DYNLRB1: variants seen among roughly 807,000 people sequenced by gnomAD.
The protein encoded by DYNLRB1 is dynein light chain roadblock-type 1, also known as ROBL/LC7-like 1.
In DYNLRB1, 6 loss-of-function variants were observed where a neutral mutation model predicts 13.5. That is an observed-to-expected ratio of 0.44 (90% confidence interval 0.24 to 0.88). The LOEUF is 0.88. Among genes scored for constraint, DYNLRB1 ranks in the 40% least tolerant of loss-of-function variants. The pLI is 0.21. For synonymous variants in DYNLRB1, 43 were observed against 45.0 expected, an observed-to-expected ratio of 0.96 and a Z score of 0.18; for missense variants, 93 against 127.2, an observed-to-expected ratio of 0.73 and a Z score of 1.29.
intron 1 of DYNLRB1, among the ~76,000 whole-genome samples, chr20:34,523,597 T>C (rs922371670): frequency 6.6e-6 from 1 of 152,222 alleles, no homozygotes; most frequent in Non-Finnish European, 1.5e-5. Context: ...GCTAACTCCC[T>C]CATTTCCTTC....
intron 3 of DYNLRB1, among the ~76,000 whole-genome samples, chr20:34,539,788 C>T (rs538149029): frequency 2.0e-5 from 3 of 152,198 alleles, no homozygotes; most frequent in East Asian, 1.9e-4. Context: ...TGAGCCACCA[C>T]GCCTGACCTT....
At position 34,539,521 on chromosome 20, in the gene DYNLRB1, C is replaced by A. The variant is rs139999048; in HGVS notation, c.248-1060C>A. Among the ~76,000 whole-genome samples, 930 of 148,268 alleles carry A rather than the reference C, an allele frequency of 6.3e-3. 9 individuals are homozygous for A. Among genetic ancestry groups the A allele is most frequent in the East Asian group, 0.032 (161 of 5,030 alleles). On this transcript the variant is annotated intron_variant, in intron 3 of 3. Coordinates refer to ENST00000357156, the MANE Select transcript of DYNLRB1 (RefSeq NM_014183.4). ...ATAGTGAGACCCCATCTGTACAAAA[C>A]TTTTTTTTTTTCTTAATGGAGTCTC...
At chr20:34,521,949 G>A (rs936242395) in intron 1 of DYNLRB1, among the ~76,000 whole-genome samples, 2 of 151,950 alleles carry the variant, frequency 1.3e-5, no homozygotes, top group African/African-American at 4.8e-5. Context: ...GAAGTGGGAG[G>A]ATCACTTGAG....
intron 2 of DYNLRB1, among the ~76,000 whole-genome samples, chr20:34,527,769 G>A (rs961839911): frequency 6.6e-6 from 1 of 152,216 alleles, no homozygotes; most frequent in Middle Eastern, 3.2e-3. Context: ...TGCAGTGAGA[G>A]CCACAGGCCT....
chr20:34,539,996 A>G (rs1600557145), intron 3 of DYNLRB1, among the ~76,000 whole-genome samples: 2 of 152,084 alleles, frequency 1.3e-5, no homozygotes, highest in African/African-American at 2.4e-5. Flanking sequence ...GAGAGAGAGA[A>G]AAAAGAAAAT....
At chr20:34,539,025 G>T (rs1981386120) in intron 3 of DYNLRB1, among the ~76,000 whole-genome samples, 1 of 152,204 alleles carries the variant, frequency 6.6e-6, no homozygotes, top group Non-Finnish European at 1.5e-5. Context: ...ACACAAAGAA[G>T]CCTTGATCAA....
chr20:34,536,136 A>C (rs1981125943), intron 3 of DYNLRB1: 1 of 985,306 alleles, frequency 1.0e-6, no homozygotes, highest in African/African-American at 1.7e-5. Flanking sequence ...ATAACTCCAG[A>C]GTCTATTATT....
intron 1 of DYNLRB1, among the ~76,000 whole-genome samples, chr20:34,519,276 CTTACTACCCCG>C (rs1979518387): frequency 6.6e-6 from 1 of 152,196 alleles, no homozygotes. Context: ...TGGTCCCCAT[CTTACTACCCCG>C]TGGCAACTTC....
intron 2 of DYNLRB1, chr20:34,531,287 C>T (rs1278241264): frequency 6.6e-6 from 1 of 152,210 alleles, no homozygotes; most frequent in African/African-American, 2.4e-5. Context: ...CCCAGTAGAT[C>T]AGAGCCCCAA....
At chr20:34,523,830 A>G (rs1979952756) in intron 1 of DYNLRB1, among the ~76,000 whole-genome samples, 1 of 152,230 alleles carries the variant, frequency 6.6e-6, no homozygotes, top group Non-Finnish European at 1.5e-5. Flanking sequence ...AATGTCTGGC[A>G]TATGGAAGGT....
At chr20:34,516,409 C>T (rs1405723719), upstream of DYNLRB1, 1 of 1,609,020 alleles carries the variant, frequency 6.2e-7, no homozygotes, top group Admixed American at 1.7e-5. Flanking sequence ...CGCAGAAAGG[C>T]ACAGGACTCG....
intron 2 of DYNLRB1, chr20:34,530,478 G>A (rs1217535607): frequency 5.8e-6 from 1 of 172,508 alleles, no homozygotes; most frequent in Non-Finnish European, 1.2e-5. Context: ...GAATGTCTCA[G>A]TTAGTGTGTG....
At position 34,540,728 on chromosome 20, in the gene DYNLRB1, A is replaced by T. The variant is rs1981515780; in HGVS notation, c.*104A>T. The T allele has an allele frequency of 2.4e-5, 29 of 1,200,316 alleles. No homozygotes were observed. Among genetic ancestry groups the T allele is most frequent in the Non-Finnish European group, 3.5e-5 (29 of 826,050 alleles). 74.4% of individuals were successfully genotyped at this position (1,200,316 alleles called of 1,614,324 possible). ...AGCACATGGCAGTCGCTTGGAACCC[A>T]CTCACACCAATCCAGTGACCGTGTG... On this transcript the variant is annotated 3_prime_UTR_variant, in exon 4 of 4. Transcript: ENST00000357156.
intron 2 of DYNLRB1, among the ~76,000 whole-genome samples, chr20:34,528,290 C>CAA (rs1980397667): frequency 3.8e-5 from 1 of 26,640 alleles, no homozygotes; most frequent in Non-Finnish European, 6.9e-5. Context: ...CCAGCCTGGG[C>CAA]GACAGAGCGA....
chr20:34,529,712 A>T, intron 2 of DYNLRB1: 1 of 794,714 alleles, frequency 1.3e-6, no homozygotes, highest in Non-Finnish European at 1.7e-6. Flanking sequence ...CTGGACGACA[A>T]GAATGAAACT....
intron 2 of DYNLRB1, among the ~76,000 whole-genome samples, chr20:34,529,527 G>A (rs1297453522): frequency 6.6e-6 from 1 of 152,024 alleles, no homozygotes; most frequent in Non-Finnish European, 1.5e-5. Flanking sequence ...TCAGGAGTTC[G>A]AGACCAGCCT....
chr20:34,526,955 A>G (rs950422476), intron 2 of DYNLRB1, among the ~76,000 whole-genome samples: 3 of 152,134 alleles, frequency 2.0e-5, no homozygotes, highest in African/African-American at 7.2e-5. Flanking sequence ...CTCCACCCCA[A>G]CAACCCTTTC....
chr20:34,526,153 C>A, intron 1 of DYNLRB1, 115 bp from the exon 2 acceptor site: 1 of 1,123,038 alleles, frequency 8.9e-7, no homozygotes, highest in Non-Finnish European at 1.3e-6. Context: ...GTGCCAGGTG[C>A]CTGAGTATTA....
chr20:34,538,446 C>CA (rs903657230), intron 3 of DYNLRB1, among the ~76,000 whole-genome samples: 12 of 151,546 alleles, frequency 7.9e-5, no homozygotes, highest in South Asian at 6.3e-4. Flanking sequence ...AAAAACAAAA[C>CA]AAAAAAAACA....
Sources: allele counts gnomAD v4.1 joint callset (sites outside exome capture counted in the v4.1 genomes callset), GRCh38; gene constraint gnomAD v4.1.1; transcripts MANE v1.5; gene names NCBI Gene and HGNC (gene_info 2026-07-23, HGNC 2026-07-21).